GPC5: variants seen among roughly 807,000 people sequenced by gnomAD.
The protein encoded by GPC5 is glypican 5.
A neutral mutation model predicts 53.9 loss-of-function variants in GPC5; 47 were observed. The ratio of observed to expected loss-of-function variants is 0.87; its 90% CI spans 0.69 to 1.11. GPC5 has a LOEUF of 1.11. Ranked by LOEUF, GPC5 falls within the 50% of genes most tolerant of loss-of-function variation. GPC5 has a pLI of 0.00. For synonymous variants in GPC5, 286 were observed against 263.3 expected (o/e 1.09, Z -0.84); for missense variants, 748 against 713.1 (o/e 1.05, Z -0.56).
At chr13:92,593,373 C>T (rs1294209429) in intron 7 of GPC5, among the ~76,000 whole-genome samples, 1 of 150,870 alleles carries the variant, frequency 6.6e-6, no homozygotes, top group African/African-American at 2.4e-5. Context: ...AGTGTCAATG[C>T]TATGTACTGA....
At chr13:92,706,279 T>C (rs1887949959) in intron 7 of GPC5, among the ~76,000 whole-genome samples, 1 of 152,118 alleles carries the variant, frequency 6.6e-6, no homozygotes, top group East Asian at 1.9e-4. Flanking sequence ...AAATTAAAAG[T>C]TATAATTCAA....
chr13:92,117,131 T>G (rs2041608119), intron 6 of GPC5, among the ~76,000 whole-genome samples: 1 of 152,174 alleles, frequency 6.6e-6, no homozygotes, highest in Admixed American at 6.5e-5. Context: ...TTTCCTGTGT[T>G]TCTTTCTAAA....
intron 2 of GPC5, among the ~76,000 whole-genome samples, chr13:91,663,100 T>C (rs777100318): frequency 3.9e-5 from 6 of 152,194 alleles, no homozygotes; most frequent in Admixed American, 6.5e-5. Flanking sequence ...AGTGGAAGGC[T>C]TGATTTTCTA....
chr13:92,669,949 CTA>C (rs1223595795), intron 7 of GPC5, among the ~76,000 whole-genome samples: 2 of 152,144 alleles, frequency 1.3e-5, no homozygotes, highest in African/African-American at 4.8e-5. Context: ...GTCACACAAT[CTA>C]TGTTTTTCTA....
chr13:92,311,109 A>T (rs1252974720), intron 7 of GPC5, among the ~76,000 whole-genome samples: 1 of 152,240 alleles, frequency 6.6e-6, no homozygotes, highest in Non-Finnish European at 1.5e-5. Flanking sequence ...GAAAAACAAG[A>T]AAAACAAAAA....
At chr13:92,630,079 G>C (rs1308607146) in intron 7 of GPC5, among the ~76,000 whole-genome samples, 1 of 152,120 alleles carries the variant, frequency 6.6e-6, no homozygotes, top group African/African-American at 2.4e-5. Flanking sequence ...TACACTTAAA[G>C]TAGAAAACAG....
intron 2 of GPC5, among the ~76,000 whole-genome samples, chr13:91,516,357 A>G (rs1885496662): frequency 6.6e-6 from 1 of 152,184 alleles, no homozygotes; most frequent in Non-Finnish European, 1.5e-5. Flanking sequence ...AATTGCCAAA[A>G]CAAAGAGATT....
At chr13:92,257,085 A>G (rs2042731314) in intron 7 of GPC5, among the ~76,000 whole-genome samples, 1 of 152,130 alleles carries the variant, frequency 6.6e-6, no homozygotes, top group Non-Finnish European at 1.5e-5. Flanking sequence ...CTTTACCAAT[A>G]AAATAAAATA....
At chr13:92,770,802 G>A (rs956653215) in intron 7 of GPC5, among the ~76,000 whole-genome samples, 3 of 152,136 alleles carry the variant, frequency 2.0e-5, no homozygotes, top group East Asian at 1.9e-4. Context: ...TCAACCTTCC[G>A]TTTTAGCTGA....
intron 7 of GPC5, among the ~76,000 whole-genome samples, chr13:92,207,937 T>G (rs2042349192): frequency 1.3e-5 from 2 of 152,234 alleles, no homozygotes; most frequent in Admixed American, 1.3e-4. Flanking sequence ...TCCCAAGGGC[T>G]ATTTGTAACA....
At chr13:91,423,621 C>CT (rs953698954) in intron 1 of GPC5, among the ~76,000 whole-genome samples, 5 of 152,048 alleles carry the variant, frequency 3.3e-5, no homozygotes, top group African/African-American at 1.2e-4. Flanking sequence ...TGGTCAAAGG[C>CT]TACAACGTTT....
chr13:91,652,914 C>A (rs902290292), intron 2 of GPC5, among the ~76,000 whole-genome samples: 22 of 152,190 alleles, frequency 1.4e-4, no homozygotes, highest in African/African-American at 5.1e-4. Context: ...ACAATGGTGG[C>A]ATTCTGTCTC....
At chr13:92,474,655 A>G (rs1262304386) in intron 7 of GPC5, among the ~76,000 whole-genome samples, 1 of 151,962 alleles carries the variant, frequency 6.6e-6, no homozygotes, top group East Asian at 1.9e-4. Context: ...AAACCTCTCC[A>G]GTGGAAATTA....
chr13:92,321,732 G>GTA (rs2043217536), intron 7 of GPC5, among the ~76,000 whole-genome samples: 1 of 152,026 alleles, frequency 6.6e-6, no homozygotes, highest in African/African-American at 2.4e-5. Context: ...AAAAGTTACG[G>GTA]TATACTGATT....
chr13:91,756,860 A>G (rs549332142), intron 5 of GPC5, among the ~76,000 whole-genome samples: 179 of 151,490 alleles, frequency 1.2e-3, no homozygotes, highest in Non-Finnish European at 2.0e-3. Flanking sequence ...TGTCCATCCT[A>G]CAATGGTCTG....
intron 2 of GPC5, among the ~76,000 whole-genome samples, chr13:91,594,938 G>A (rs1235899658): frequency 6.6e-6 from 1 of 151,590 alleles, no homozygotes; most frequent in Admixed American, 6.6e-5. Context: ...CCAAAGTTCT[G>A]GAATTACAGG....
chr13:92,590,550 T>A (rs1883680376), intron 7 of GPC5, among the ~76,000 whole-genome samples: 1 of 152,364 alleles, frequency 6.6e-6, no homozygotes. Flanking sequence ...CTATCAGAGC[T>A]GAGTCATGAC....
intron 7 of GPC5, among the ~76,000 whole-genome samples, chr13:92,485,709 C>T (rs1193931870): frequency 6.6e-6 from 1 of 152,204 alleles, no homozygotes; most frequent in Non-Finnish European, 1.5e-5. Flanking sequence ...GGCACGTTGG[C>T]ACATGCCTGT....
At chr13:91,487,710 T>C (rs1431806526) in intron 2 of GPC5, among the ~76,000 whole-genome samples, 2 of 152,220 alleles carry the variant, frequency 1.3e-5, no homozygotes, top group African/African-American at 4.8e-5. Flanking sequence ...ACATGCTACA[T>C]GATTAAAAAA....
Sources: gnomAD v4.1 joint callset for allele counts (sites outside exome capture counted in the v4.1 genomes callset) on GRCh38, gnomAD v4.1.1 for gene constraint, MANE v1.5 for transcripts, NCBI Gene and HGNC (gene_info 2026-07-23, HGNC 2026-07-21) for gene names.